Variants in OSBPL1A observed in about 807,000 individuals in gnomAD.
OSBPL1A encodes oxysterol binding protein like 1A.
OSBPL1A carries 80 observed loss-of-function variants against 137.1 expected under a neutral mutation model. The observed-to-expected ratio is 0.58, with a 90% CI of 0.49 to 0.70. The LOEUF (loss-of-function observed/expected upper bound fraction) is 0.70, where lower values mean the gene tolerates loss of function less well. Among genes scored for constraint, OSBPL1A ranks in the 30% least tolerant of loss-of-function variants. The pLI is 0.00. For missense variants in OSBPL1A, 970 were observed against 1,129.4 expected (o/e 0.86, Z 2.02); for synonymous variants, 365 against 389.7 (o/e 0.94, Z 0.75).
intron 16 of OSBPL1A, among the ~76,000 whole-genome samples, chr18:24,236,094 T>C (rs534952455): frequency 2.0e-5 from 3 of 152,306 alleles, no homozygotes; most frequent in Non-Finnish European, 4.4e-5. Context: ...TGTGGACACC[T>C]TGATGTTGGA....
At chr18:24,177,872 A>T in intron 21 of OSBPL1A, 141 bp downstream of exon 21, 1 of 696,380 alleles carries the variant, frequency 1.4e-6, no homozygotes. Context: ...AAATTCTTTT[A>T]CATAGACGTA....
chr18:24,211,048 C>A (rs1477745085), intron 17 of OSBPL1A, among the ~76,000 whole-genome samples: 1 of 152,192 alleles, frequency 6.6e-6, no homozygotes, highest in Non-Finnish European at 1.5e-5. Context: ...TCCCTGCAAC[C>A]TCTGCCTCCC....
rs373918963 is a variant in OSBPL1A, at chr18:24,377,311, T to C, written c.121+102A>G. 4.4e-6 allele frequency: 6 copies of C among 1,351,400 alleles called. No homozygotes were observed. The African/African-American group carries it at 8.9e-5, about 20-fold the overall frequency. The allele number at this position is 1,351,400 out of a possible 1,614,324, so 83.7% of individuals were successfully genotyped here. A position where few individuals can be genotyped will look rare whatever the true frequency, so the allele number is the denominator to read the frequency against. ...GTGGGGTTCTTCCTAGCATGAGAGA[T>C]AGAGATTAATTACATGATAGATAAG... is the stretch of plus-strand genomic sequence containing the variant. On this transcript the variant is annotated intron_variant, in intron 2 of 27. Coordinates refer to ENST00000319481, the MANE Select transcript of OSBPL1A (RefSeq NM_080597.4).
rs577404267 is a variant in OSBPL1A at position 24,237,869 on chromosome 18, C to T, written c.1444+1351G>A. Among the ~76,000 whole-genome samples the T allele has an allele frequency of 2.6e-5, 4 of 152,284 alleles. No individual in the cohort carries two copies. The South Asian group carries it at 6.2e-4, about 24-fold the overall frequency. ...GTCACTCATTCCATCGATCTCAAAT[C>T]CTACCTTCTCTTCCCAACGTGAGTC... On this transcript the variant is annotated intron_variant, in intron 16 of 27. Transcript: ENST00000319481.
At chr18:24,362,241 C>T (rs1042294215) in intron 4 of OSBPL1A, among the ~76,000 whole-genome samples, 1 of 151,388 alleles carries the variant, frequency 6.6e-6, no homozygotes, top group Non-Finnish European at 1.5e-5. Context: ...ATGAGCAAGA[C>T]CATAAAAAAA....
chr18:24,221,027 C>A (rs563919871), intron 17 of OSBPL1A, among the ~76,000 whole-genome samples: 1 of 152,032 alleles, frequency 6.6e-6, no homozygotes, highest in East Asian at 1.9e-4. Flanking sequence ...GTGATCCACC[C>A]GCCTCAGCCT....
At chr18:24,296,471 T>C (rs1336303308) in intron 14 of OSBPL1A, among the ~76,000 whole-genome samples, 1 of 152,196 alleles carries the variant, frequency 6.6e-6, no homozygotes, top group African/African-American at 2.4e-5. Flanking sequence ...TGACTTCCTC[T>C]TTTCCACATA....
intron 14 of OSBPL1A, among the ~76,000 whole-genome samples, chr18:24,298,351 C>T (rs1345091560): frequency 1.3e-5 from 2 of 152,142 alleles, no homozygotes; most frequent in Non-Finnish European, 2.9e-5. Flanking sequence ...TCATTTTGCA[C>T]TGTGGACTTG....
chr18:24,381,342 G>A (rs1906578230), intron 1 of OSBPL1A, among the ~76,000 whole-genome samples: 1 of 152,206 alleles, frequency 6.6e-6, no homozygotes, highest in African/African-American at 2.4e-5. Flanking sequence ...GATGGTGGAA[G>A]ATGAGGAACC....
chr18:24,349,274 T>C (rs901796147), intron 4 of OSBPL1A, among the ~76,000 whole-genome samples: 1 of 151,946 alleles, frequency 6.6e-6, no homozygotes, highest in Non-Finnish European at 1.5e-5. Context: ...ATCTGACATA[T>C]GACTAGCACA....
chr18:24,365,313 G>A (rs116188347), intron 4 of OSBPL1A, among the ~76,000 whole-genome samples: 1,704 of 152,256 alleles, frequency 0.011, 30 homozygotes, highest in African/African-American at 0.039. Context: ...GGCCGAGTGC[G>A]GTGGCTCACG....
chr18:24,226,458 T>A (rs538412107), intron 16 of OSBPL1A, among the ~76,000 whole-genome samples: 2 of 152,322 alleles, frequency 1.3e-5, no homozygotes, highest in South Asian at 4.1e-4. Context: ...CAACTTCCCA[T>A]CTTAAGCAGA....
intron 12 of OSBPL1A, among the ~76,000 whole-genome samples, chr18:24,312,623 TG>T (rs139600592): frequency 9.8e-5 from 15 of 152,312 alleles, no homozygotes; most frequent in Non-Finnish European, 1.8e-4. Context: ...AAAGAATGTT[TG>T]GCCTAAAAAT....
chr18:24,394,742 A>C (rs1029703364), intron 1 of OSBPL1A, among the ~76,000 whole-genome samples: 1 of 152,232 alleles, frequency 6.6e-6, no homozygotes, highest in Non-Finnish European at 1.5e-5. Flanking sequence ...ATACCTCTTT[A>C]AAGAAAAACT....
intron 1 of OSBPL1A, among the ~76,000 whole-genome samples, chr18:24,388,404 T>C (rs1238211561): frequency 6.6e-6 from 1 of 152,158 alleles, no homozygotes; most frequent in Non-Finnish European, 1.5e-5. Context: ...CCAGTCTCCC[T>C]GTAGGGAGGT....
intron 7 of OSBPL1A, among the ~76,000 whole-genome samples, chr18:24,328,102 C>T (rs1052201308): frequency 1.2e-4 from 17 of 137,392 alleles, no homozygotes; most frequent in African/African-American, 3.5e-4. Flanking sequence ...AGTGTAGTGG[C>T]GCAATCTTGG....
chr18:24,189,964 TG>T (rs1233940814), intron 18 of OSBPL1A, among the ~76,000 whole-genome samples: 2 of 152,342 alleles, frequency 1.3e-5, no homozygotes, highest in Non-Finnish European at 1.5e-5. Flanking sequence ...AACCACAGTG[TG>T]GGCACCTCAG....
At chr18:24,387,513 C>A (rs537598870) in intron 1 of OSBPL1A, among the ~76,000 whole-genome samples, 2 of 152,188 alleles carry the variant, frequency 1.3e-5, no homozygotes, top group East Asian at 1.9e-4. Flanking sequence ...TCTTTATATT[C>A]CTTTCAGCTA....
At chr18:24,183,454 C>T (rs567833340) in intron 18 of OSBPL1A, among the ~76,000 whole-genome samples, 21 of 143,928 alleles carry the variant, frequency 1.5e-4, no homozygotes, top group African/African-American at 2.3e-4. Flanking sequence ...TTTTTTGAGG[C>T]GGAGTTTTGC....
Sources: allele counts gnomAD v4.1 joint callset (sites outside exome capture counted in the v4.1 genomes callset), GRCh38; gene constraint gnomAD v4.1.1; transcripts MANE v1.5; gene names NCBI Gene and HGNC (gene_info 2026-07-23, HGNC 2026-07-21).